ACTL8: variants seen among roughly 807,000 people sequenced by gnomAD.
The protein encoded by ACTL8 is actin like 8.
Under a neutral mutation model 9.3 loss-of-function variants are expected in ACTL8, and 3 were observed. The observed-to-expected ratio is 0.32, with a 90% CI of 0.15 to 0.83. ACTL8 has a LOEUF of 0.83. ACTL8 is among the 40% of genes least tolerant of loss of function. ACTL8 has a pLI of 0.57. For synonymous variants in ACTL8, 224 were observed against 205.9 expected, an observed-to-expected ratio of 1.09 and a Z score of -0.75; for missense variants, 381 against 492.2, an observed-to-expected ratio of 0.77 and a Z score of 2.14.
At chr1:17,795,395 A>C (rs1445005371) in intron 1 of ACTL8, among the ~76,000 whole-genome samples, 4 of 152,192 alleles carry the variant, frequency 2.6e-5, no homozygotes, top group Non-Finnish European at 5.9e-5. Context: ...TATTTCCTCC[A>C]CTATAAACAG....
chr1:17,755,868 G>A (rs138945491), intron 1 of ACTL8, among the ~76,000 whole-genome samples: 7 of 151,824 alleles, frequency 4.6e-5, no homozygotes, highest in African/African-American at 1.7e-4. Flanking sequence ...CTTCCCTGGG[G>A]TGAGGGGCTC....
At chr1:17,776,183 G>C (rs980693003) in intron 1 of ACTL8, among the ~76,000 whole-genome samples, 7 of 152,344 alleles carry the variant, frequency 4.6e-5, no homozygotes, top group African/African-American at 1.7e-4. Context: ...AGCAGCTCAG[G>C]ATGAAGACAG....
At chr1:17,777,367 C>A (rs78621374) in intron 1 of ACTL8, among the ~76,000 whole-genome samples, 2,383 of 152,248 alleles carry the variant, frequency 0.016, 55 homozygotes, top group African/African-American at 0.054. Context: ...TGGCACAGCG[C>A]CCCTGAAATC....
chr1:17,786,323 G>A (rs1196594609), intron 1 of ACTL8, among the ~76,000 whole-genome samples: 2 of 152,252 alleles, frequency 1.3e-5, no homozygotes, highest in Non-Finnish European at 2.9e-5. Context: ...AATTATACAA[G>A]TATGTGGATC....
chr1:17,771,497 G>A (rs780976937), intron 1 of ACTL8, among the ~76,000 whole-genome samples: 1 of 152,044 alleles, frequency 6.6e-6, no homozygotes, highest in Non-Finnish European at 1.5e-5. Flanking sequence ...TCAGGAGGGC[G>A]GGTTGAAGAC....
chr1:17,766,961 G>A (rs1371585555), intron 1 of ACTL8, among the ~76,000 whole-genome samples: 3 of 152,120 alleles, frequency 2.0e-5, no homozygotes, highest in East Asian at 1.9e-4. Context: ...TTTTGCCCCC[G>A]TGCAGTTCCA....
intron 1 of ACTL8, among the ~76,000 whole-genome samples, chr1:17,803,934 A>C (rs1038088409): frequency 2.6e-5 from 4 of 152,192 alleles, no homozygotes; most frequent in African/African-American, 9.7e-5. Flanking sequence ...GTAAGTTGGA[A>C]AATTGGATAT....
intron 1 of ACTL8, among the ~76,000 whole-genome samples, chr1:17,757,972 G>A (rs182668843): frequency 1.8e-3 from 276 of 152,264 alleles, no homozygotes; most frequent in Admixed American, 6.7e-3. Context: ...TGGGGAGACC[G>A]CAATGTTGGA....
intron 1 of ACTL8, among the ~76,000 whole-genome samples, chr1:17,762,071 T>A (rs1345204348): frequency 1.3e-5 from 2 of 152,006 alleles, no homozygotes; most frequent in Admixed American, 1.3e-4. Context: ...TTACTCAAGA[T>A]ACTGAGAACA....
intron 1 of ACTL8, among the ~76,000 whole-genome samples, chr1:17,809,625 G>A (rs187993732): frequency 6.6e-6 from 1 of 152,158 alleles, no homozygotes; most frequent in African/African-American, 2.4e-5. Context: ...GATTCTCATA[G>A]GAACATGAAC....
At chr1:17,781,539 AG>A (rs1436025091) in intron 1 of ACTL8, among the ~76,000 whole-genome samples, 1 of 152,168 alleles carries the variant, frequency 6.6e-6, no homozygotes, top group African/African-American at 2.4e-5. Flanking sequence ...GCACCCAACC[AG>A]GATACCAGGA....
intron 1 of ACTL8, among the ~76,000 whole-genome samples, chr1:17,766,800 A>G (rs538896619): frequency 1.3e-5 from 2 of 150,940 alleles, no homozygotes; most frequent in Admixed American, 1.3e-4. Context: ...AGAAAGCCAT[A>G]ATTCCTGGAA....
chr1:17,813,359 A>G (rs1052060336), intron 1 of ACTL8, among the ~76,000 whole-genome samples: 3 of 152,148 alleles, frequency 2.0e-5, no homozygotes, highest in South Asian at 2.1e-4. Flanking sequence ...GTTGAATTCT[A>G]TCCATTGATT....
intron 1 of ACTL8, among the ~76,000 whole-genome samples, chr1:17,786,708 TA>T (rs1296690642): frequency 1.3e-5 from 2 of 152,160 alleles, no homozygotes; most frequent in South Asian, 2.1e-4. Flanking sequence ...TTTTAATTAT[TA>T]TTTTTTTAGA....
intron 1 of ACTL8, among the ~76,000 whole-genome samples, chr1:17,796,545 G>A (rs534163944): frequency 3.2e-4 from 48 of 152,310 alleles, no homozygotes; most frequent in African/African-American, 1.0e-3. Context: ...GGCAGCCAGC[G>A]GTATATTTGG....
chr1:17,806,770 G>A lies in ACTL8; in HGVS notation c.-24-16215G>A, dbSNP rs370196143. Among the ~76,000 whole-genome samples the A allele has an allele frequency of 6.6e-5, 10 of 152,350 alleles. No homozygotes were observed. In the South Asian group the frequency reaches 1.5e-3, roughly 22 times the overall value. ...TCTGCAGAGCCCTGCGACCTGCTGC[G>A]CTTTGAGCAGGAGAGAAGTGGGAGC... On this transcript the variant is annotated intron_variant, in intron 1 of 2. Coordinates refer to ENST00000375406, the MANE Select transcript of ACTL8 (RefSeq NM_030812.3).
intron 1 of ACTL8, among the ~76,000 whole-genome samples, chr1:17,819,833 C>G (rs963134788): frequency 1.3e-5 from 2 of 151,972 alleles, no homozygotes; most frequent in Non-Finnish European, 2.9e-5. Context: ...GAGTTTGAGA[C>G]CAGCCTAGGC....
chr1:17,790,802 C>G (rs2066233253), intron 1 of ACTL8, among the ~76,000 whole-genome samples: 1 of 152,226 alleles, frequency 6.6e-6, no homozygotes, highest in African/African-American at 2.4e-5. Context: ...GCCAAGTTGC[C>G]CTTAGCCCTC....
rs1557450461 is a variant in ACTL8, at chr1:17,825,757, C to G, written c.349-10C>G. ...GGGAAATGCACTGAGTGAATTCTCC[C>G]TCGTTGCAGATCCTGTTTGAGTTGC... On this transcript the variant is annotated splice_polypyrimidine_tract_variant and intron_variant, in intron 2 of 2. Coordinates refer to ENST00000375406, the MANE Select transcript of ACTL8 (RefSeq NM_030812.3). 1.2e-6 allele frequency: 2 copies of G among 1,607,218 alleles called. No individual in the cohort carries two copies. Among genetic ancestry groups the G allele is most frequent in the Non-Finnish European group, 1.7e-6 (2 of 1,176,302 alleles).
Sources: allele counts gnomAD v4.1 joint callset (sites outside exome capture counted in the v4.1 genomes callset), GRCh38; gene constraint gnomAD v4.1.1; transcripts MANE v1.5; gene names NCBI Gene and HGNC (gene_info 2026-07-23, HGNC 2026-07-21).